The following TMEM218 variants were observed in gnomAD, a reference collection of about 807,000 sequenced individuals.
TMEM218 encodes transmembrane protein 218.
In TMEM218, 8 loss-of-function variants were observed where a neutral mutation model predicts 10.0. The observed-to-expected ratio is 0.80, with a 90% CI of 0.47 to 1.44. TMEM218 has a LOEUF of 1.44. Among genes scored for constraint, TMEM218 ranks in the 40% most tolerant of loss-of-function variants. The pLI, the probability that TMEM218 is intolerant of heterozygous loss-of-function variation, is 0.00. For missense variants in TMEM218, 110 were observed against 140.1 expected (o/e 0.79, Z 1.08); for synonymous variants, 66 against 63.5 (o/e 1.04, Z -0.18).
In TMEM218 at chr11:125,095,502, T is replaced by C. The variant is rs1591352597; in HGVS notation, c.*2104A>G. On this transcript the variant is annotated 3_prime_UTR_variant, in exon 5 of 5. Coordinates refer to ENST00000682305, the MANE Select transcript of TMEM218 (RefSeq NM_001258244.2). ...CTTATCCCAACCCTGCGGGGCTTTT[T>C]TTGCATAACTGCATTGAGTATGCAG... Among the ~76,000 whole-genome samples the C allele has an allele frequency of 6.6e-6, 1 of 152,206 alleles. No homozygotes were observed. Among genetic ancestry groups the C allele is most frequent in the East Asian group, 1.9e-4 (1 of 5,196 alleles).
Position 125,102,262 on chromosome 11 carries a change from G to A in TMEM218, c.-21C>T. On this transcript the variant is annotated 5_prime_UTR_variant, in exon 3 of 5. Coordinates refer to ENST00000682305, the MANE Select transcript of TMEM218 (RefSeq NM_001258244.2). ...GCCATCCCGCGGGGAGGCAGCGGCG[G>A]CCCCCCGCCCTGCGCGCCGCACGAT... is the stretch of plus-strand genomic sequence containing the variant. 2 of 1,608,910 alleles carry A rather than the reference G, an allele frequency of 1.2e-6. No homozygotes were observed. Among genetic ancestry groups the A allele is most frequent in the Non-Finnish European group, 1.7e-6 (2 of 1,178,150 alleles).
rs1949837175 is a variant in TMEM218, at chr11:125,097,656, T to C, written c.298A>G (p.Ile100Val). Reference protein sequence around the residue: ...IFLGGLFLVLIHYVLEPIYAK... With the variant: ...IFLGGLFLVLVHYVLEPIYAK... The stretch of plus-strand genomic sequence containing the variant: ...TAGATCGGCTCCAGAACATAATGGA[T>C]TAAAACCAAGAAGAGGCCTCCAAGG... The change falls in exon 5 of 5, where the codon ATC becomes GTC. Residue 100 changes from isoleucine to valine, a missense_variant. Transcript: ENST00000682305. 2 of 1,614,060 alleles carry C rather than the reference T, an allele frequency of 1.2e-6. No individual in the cohort carries two copies. Among genetic ancestry groups the C allele is most frequent in the Admixed American group, 1.7e-5 (1 of 60,006 alleles).
At chr11:125,100,295 G>A (rs940583133) in intron 4 of TMEM218, among the ~76,000 whole-genome samples, 1 of 152,166 alleles carries the variant, frequency 6.6e-6, no homozygotes, top group Non-Finnish European at 1.5e-5. Flanking sequence ...CTTGCTATGT[G>A]ACCTTGGGCA....
intron 1 of TMEM218, chr11:125,104,095 A>T (rs1951548495): frequency 6.6e-6 from 1 of 152,242 alleles, no homozygotes; most frequent in African/African-American, 2.4e-5. Flanking sequence ...GTAAAAGCGA[A>T]GTGCAGTGGG....
At chr11:125,106,389 C>T (rs1192971957) in intron 1 of TMEM218, among the ~76,000 whole-genome samples, 2 of 152,010 alleles carry the variant, frequency 1.3e-5, no homozygotes, top group African/African-American at 4.8e-5. Context: ...CAACCTGAAA[C>T]AAATGTGAAC....
intron 4 of TMEM218, among the ~76,000 whole-genome samples, chr11:125,098,403 A>T (rs1430902282): frequency 6.6e-6 from 1 of 152,182 alleles, no homozygotes; most frequent in Non-Finnish European, 1.5e-5. Flanking sequence ...ACAAAACCCT[A>T]TAATTGGTGT....
In TMEM218 at chr11:125,101,466, T is replaced by C. The variant is rs1281738237; in HGVS notation, c.111-163A>G. Reference sequence around the variant, plus strand: ...AACCTCTTCATCCCAAAGTCCTTCTTCCTAGACAGGTACCAGCTGGGTGCA... The same window carrying C: ...AACCTCTTCATCCCAAAGTCCTTCTCCCTAGACAGGTACCAGCTGGGTGCA... On this transcript the variant is annotated intron_variant, in intron 3 of 4. Transcript: ENST00000682305. 2.0e-6 allele frequency: 3 copies of C among 1,532,794 alleles called. No homozygotes were observed. The South Asian group carries it at 3.6e-5, about 19-fold the overall frequency. The allele number at this position is 1,532,794 out of a possible 1,614,324, so 94.9% of individuals were successfully genotyped here.
rs746050191 is a variant in TMEM218, at chr11:125,102,304, T to G, written c.-63A>C. 1 of 1,580,694 alleles carries G rather than the reference T, an allele frequency of 6.3e-7. No homozygotes were observed. The highest frequency in any genetic ancestry group is 2.3e-5 in the East Asian group (1 of 43,726). ...CCGCACGATCGAGTGTCCTCTGTGC[T>G]CCAGTGCAACACACTCCCGTGAAAG... On this transcript the variant is annotated 5_prime_UTR_variant, in exon 3 of 5. Coordinates refer to ENST00000682305, the MANE Select transcript of TMEM218 (RefSeq NM_001258244.2).
At chr11:125,106,149 A>G (rs1031768825) in intron 1 of TMEM218, among the ~76,000 whole-genome samples, 1 of 152,188 alleles carries the variant, frequency 6.6e-6, no homozygotes, top group Non-Finnish European at 1.5e-5. Flanking sequence ...GTTTCACAAC[A>G]CTGTGAATAT....
Position 125,111,616 on chromosome 11 carries a change from G to A in TMEM218, c.-230C>T, listed in dbSNP as rs1219299758. 6.6e-6 allele frequency: 1 copy of A among 152,456 alleles called. No individual in the cohort carries two copies. The highest frequency in any genetic ancestry group is 2.4e-5 in the African/African-American group (1 of 41,446). 9.4% of individuals were successfully genotyped at this position (152,456 alleles called of 1,614,324 possible). ...GATTCCGGCGCGTTCCAGCCCACGGGGCTCTGGTTTACTTAGGGCGAATCA... is the reference window on the plus strand; with the variant it reads ...GATTCCGGCGCGTTCCAGCCCACGGAGCTCTGGTTTACTTAGGGCGAATCA... On this transcript the variant is annotated 5_prime_UTR_variant, in exon 1 of 5. Coordinates refer to ENST00000682305, the MANE Select transcript of TMEM218 (RefSeq NM_001258244.2).
chr11:125,111,092 T>A (rs1953863352), intron 1 of TMEM218, among the ~76,000 whole-genome samples: 2 of 151,968 alleles, frequency 1.3e-5, no homozygotes, highest in South Asian at 4.1e-4. Flanking sequence ...TCCTGGACGG[T>A]GTTGTGGGTT....
chr11:125,098,875 TGAA>T (rs1950150290), intron 4 of TMEM218, among the ~76,000 whole-genome samples: 1 of 152,090 alleles, frequency 6.6e-6, no homozygotes, highest in Non-Finnish European at 1.5e-5. Flanking sequence ...TCACTGGCTC[TGAA>T]GATGGAGGAA....
At chr11:125,103,603 C>G (rs1453944606) in intron 1 of TMEM218, 1 of 152,188 alleles carries the variant, frequency 6.6e-6, no homozygotes, top group Admixed American at 6.5e-5. Context: ...TACAAATAAT[C>G]TAGTATTATC....
intron 3 of TMEM218, chr11:125,101,849 T>G (rs1019060593): frequency 4.0e-6 from 2 of 499,376 alleles, no homozygotes; most frequent in Non-Finnish European, 6.9e-6. Flanking sequence ...ATCTGAACAA[T>G]TCATAAACAC....
Position 125,101,317 on chromosome 11 carries a change from G to A in TMEM218, c.111-14C>T. The stretch of plus-strand genomic sequence containing the variant: ...ATGACAGAGAACCTGGGGTTAAAAA[G>A]ACAAATTATTAAAAGCACTGTCTAT... On this transcript the variant is annotated splice_polypyrimidine_tract_variant and intron_variant, in intron 3 of 4. Coordinates refer to ENST00000682305, the MANE Select transcript of TMEM218 (RefSeq NM_001258244.2). The A allele has an allele frequency of 6.2e-7, 1 of 1,607,982 alleles. No individual in the cohort carries two copies. The highest frequency in any genetic ancestry group is 1.7e-5 in the Admixed American group (1 of 59,532).
rs962155237 is a variant in TMEM218, at chr11:125,094,877, C to T, written c.*2729G>A. On this transcript the variant is annotated 3_prime_UTR_variant, in exon 5 of 5. Coordinates refer to ENST00000682305, the MANE Select transcript of TMEM218 (RefSeq NM_001258244.2). The stretch of plus-strand genomic sequence containing the variant: ...TAGTTCTTCCATGGGCTTACTCCAC[C>T]AGGACTAGTGCTTTACACCCTACGG... Among the ~76,000 whole-genome samples the T allele has an allele frequency of 6.6e-6, 1 of 152,182 alleles. No homozygotes were observed. Among genetic ancestry groups the T allele is most frequent in the Non-Finnish European group, 1.5e-5 (1 of 68,036 alleles).
rs1949726060 is a variant in TMEM218 at position 125,096,945 on chromosome 11, A to G, written c.*661T>C. ...GGCAAGACAAAAAACAAAAAACAAT[A>G]TTTCCATACCTTTCCTCTAATCCCA... is the stretch of plus-strand genomic sequence containing the variant. On this transcript the variant is annotated 3_prime_UTR_variant, in exon 5 of 5. Coordinates refer to ENST00000682305, the MANE Select transcript of TMEM218 (RefSeq NM_001258244.2). The G allele has an allele frequency of 6.6e-6, 1 of 152,254 alleles. No individual in the cohort carries two copies. The highest frequency in any genetic ancestry group is 1.5e-5 in the Non-Finnish European group (1 of 68,046). 9.4% of individuals were successfully genotyped at this position (152,254 alleles called of 1,614,324 possible).
chr11:125,100,292 T>A (rs188821671), intron 4 of TMEM218, among the ~76,000 whole-genome samples: 2 of 152,216 alleles, frequency 1.3e-5, no homozygotes, highest in African/African-American at 2.4e-5. Context: ...CCTCTTGCTA[T>A]GTGACCTTGG....
chr11:125,102,591 C>T, intron 2 of TMEM218, 143 bp downstream of exon 2: 1 of 1,325,410 alleles, frequency 7.5e-7, no homozygotes. Flanking sequence ...CCTCTTCCCC[C>T]AGCCCACGGG....
Sources: allele counts gnomAD v4.1 joint callset (sites outside exome capture counted in the v4.1 genomes callset), GRCh38; gene constraint gnomAD v4.1.1; transcripts MANE v1.5; gene names NCBI Gene and HGNC (gene_info 2026-07-23, HGNC 2026-07-21).